Variants in OR5C1 observed in about 807,000 individuals in gnomAD.
OR5C1 encodes the protein olfactory receptor 5C1.
For synonymous variants in OR5C1, 184 were observed against 181.5 expected (o/e 1.01, Z -0.11); for missense variants, 433 against 426.5 (o/e 1.02, Z -0.13).
At position 122,789,181 on chromosome 9, in the gene OR5C1, C is replaced by T. The variant is rs769744644; in HGVS notation, c.249C>T (p.Pro83=). 46 of 1,614,060 alleles carry T rather than the reference C, an allele frequency of 2.8e-5. No homozygotes were observed. The highest frequency in any genetic ancestry group is 1.6e-4 in the Middle Eastern group (1 of 6,084). Residue 83 remains proline (P), a synonymous_variant, in exon 1 of 1, where the codon CCC becomes CCT. Coordinates refer to ENST00000373680, the MANE Select transcript of OR5C1 (RefSeq NM_001001923.1). ...LDACYSSAIG[P]KMLVDLLLPR... ...CCTGCTATTCCTCCGCCATCGGCCC[C>T]AAGATGCTAGTGGACCTGCTGCTGC...
In OR5C1 at chr9:122,789,080, G is replaced by A. The variant is rs1324800137; in HGVS notation, c.148G>A (p.Ala50Thr). 6.2e-7 allele frequency: 1 copy of A among 1,614,012 alleles called. No individual in the cohort carries two copies. Among genetic ancestry groups the A allele is most frequent in the East Asian group, 2.2e-5 (1 of 44,870 alleles). The change falls in exon 1 of 1, where the codon GCG becomes ACG. Residue 50 changes from alanine to threonine, a missense_variant. Ala to Thr is a moderately conservative substitution (Grantham distance 58). Coordinates refer to ENST00000373680, the MANE Select transcript of OR5C1 (RefSeq NM_001001923.1). ...LVSLLGNMGMALLIRMDARLH... is the reference protein window; with the variant it reads ...LVSLLGNMGMTLLIRMDARLH... ...GAGCCTGCTGGGAAACATGGGCATG[G>A]CGCTGCTGATCCGCATGGATGCCCG... is the stretch of plus-strand genomic sequence containing the variant.
In OR5C1 at chr9:122,789,546, C is replaced by A. The variant is rs373315936; in HGVS notation, c.614C>A (p.Ala205Asp). ...AGTCTCAATGAACTCCTTCTCTTCG[C>A]CATCTGTGGCTTCATCCAGACAGCC... ...DTSLNELLLF[A>D]ICGFIQTATV... Residue 205 changes from alanine to aspartate, a missense_variant, in exon 1 of 1, where the codon GCC becomes GAC. By Grantham distance (126) the Ala-to-Asp change is moderately radical. Coordinates refer to ENST00000373680, the MANE Select transcript of OR5C1 (RefSeq NM_001001923.1). The A allele has an allele frequency of 2.5e-6, 4 of 1,614,022 alleles. No homozygotes were observed. In the African/African-American group the frequency reaches 5.3e-5, roughly 22 times the overall value.
rs140264679 is a variant in OR5C1, at chr9:122,789,589, G to A, written c.657G>A (p.Thr219=). The A allele has an allele frequency of 6.7e-5, 108 of 1,613,870 alleles. 1 individual carries two copies. The Admixed American group carries it at 9.8e-4, about 15-fold the overall frequency. ...AGACAGCCACGGTGTTAGCTATCAC[G>A]GTGTCTTATGGCTTCATCGCTGGGG... The part of the protein sequence containing the change: ...FIQTATVLAI[T]VSYGFIAGAV... The change falls in exon 1 of 1, where the codon ACG becomes ACA. Residue 219 remains threonine (T), a synonymous_variant. Transcript: ENST00000373680.
Position 122,789,063 on chromosome 9 carries a change from T to C in OR5C1, c.131T>C (p.Leu44Pro). Residue 44 changes from leucine to proline, a missense_variant, in exon 1 of 1, where the codon CTG (leucine) becomes CCG (proline). Physicochemically the swap from Leu to Pro is moderately conservative, Grantham distance 98. Coordinates refer to ENST00000373680, the MANE Select transcript of OR5C1 (RefSeq NM_001001923.1). ...CTGCCTGTCTACCTGGTGAGCCTGC[T>C]GGGAAACATGGGCATGGCGCTGCTG... ...TCLPVYLVSL[L>P]GNMGMALLIR... 6.2e-7 allele frequency: 1 copy of C among 1,614,162 alleles called. No individual in the cohort carries two copies. Among genetic ancestry groups the C allele is most frequent in the Non-Finnish European group, 8.5e-7 (1 of 1,179,994 alleles).
Position 122,789,394 on chromosome 9 carries a change from G to T in OR5C1, c.462G>T (p.Leu154=). Residue 154 remains leucine, a synonymous_variant, in exon 1 of 1, where the codon CTG becomes CTT. Transcript: ENST00000373680. The part of the protein sequence containing the change: ...LCLALLGASG[L]GGAVSAFVHT... ...TGGCCTTGCTGGGAGCATCAGGCCT[G>T]GGTGGGGCAGTGAGTGCCTTTGTTC... 1 of 1,613,066 alleles carries T rather than the reference G, an allele frequency of 6.2e-7. No individual in the cohort carries two copies.
chr9:122,789,237 C>T lies in OR5C1; in HGVS notation c.305C>T (p.Ala102Val), dbSNP rs1241458327. 3.1e-6 allele frequency: 5 copies of T among 1,614,076 alleles called. No homozygotes were observed. The East Asian group carries it at 6.7e-5, about 22-fold the overall frequency. ...GCCACCATCCCTTACACAGCCTGTG[C>T]CCTCCAGATGTTTGTCTTTGCAGGT... ...PRATIPYTAC[A>V]LQMFVFAGLA... Residue 102 changes from alanine (A) to valine (V), a missense_variant, in exon 1 of 1, where the codon GCC (alanine) becomes GTC (valine). Ala to Val is a moderately conservative substitution (Grantham distance 64). Coordinates refer to ENST00000373680, the MANE Select transcript of OR5C1 (RefSeq NM_001001923.1).
Position 122,789,739 on chromosome 9 carries a change from C to G in OR5C1, c.807C>G (p.Ser269Arg). 1 of 1,610,258 alleles carries G rather than the reference C, an allele frequency of 6.2e-7. No homozygotes were observed. The highest frequency in any genetic ancestry group is 8.5e-7 in the Non-Finnish European group (1 of 1,177,966). The change falls in exon 1 of 1, where the codon AGC (serine) becomes AGG (arginine). Residue 269 changes from serine to arginine, a missense_variant. By Grantham distance (110) the Ser-to-Arg change is moderately radical. Coordinates refer to ENST00000373680, the MANE Select transcript of OR5C1 (RefSeq NM_001001923.1). ...TCATGTACCTGCGCCCCAGCTCCAG[C>G]TATGCCCTGGACACTGACAAGATGG... is the stretch of plus-strand genomic sequence containing the variant. ...LIFMYLRPSS[S>R]YALDTDKMAS...
rs1829231595 is a variant in OR5C1, at chr9:122,789,395, G to C, written c.463G>C (p.Gly155Arg). 1 of 1,613,066 alleles carries C rather than the reference G, an allele frequency of 6.2e-7. No homozygotes were observed. Among genetic ancestry groups the C allele is most frequent in the Middle Eastern group, 1.7e-4 (1 of 6,054 alleles). The change falls in exon 1 of 1, where the codon GGT becomes CGT. Residue 155 changes from glycine to arginine, a missense_variant. Physicochemically the swap from Gly to Arg is moderately radical, Grantham distance 125. Coordinates refer to ENST00000373680, the MANE Select transcript of OR5C1 (RefSeq NM_001001923.1). ...CLALLGASGLGGAVSAFVHTT... is the reference protein window; with the variant it reads ...CLALLGASGLRGAVSAFVHTT... ...GGCCTTGCTGGGAGCATCAGGCCTG[G>C]GTGGGGCAGTGAGTGCCTTTGTTCA...
Position 122,789,783 on chromosome 9 carries a change from T to C in OR5C1, c.851T>C (p.Leu284Pro). The C allele has an allele frequency of 6.2e-7, 1 of 1,612,324 alleles. No homozygotes were observed. Among genetic ancestry groups the C allele is most frequent in the Non-Finnish European group, 8.5e-7 (1 of 1,179,032 alleles). Residue 284 changes from leucine (L) to proline (P), a missense_variant, in exon 1 of 1, where the codon CTG becomes CCG. Coordinates refer to ENST00000373680, the MANE Select transcript of OR5C1 (RefSeq NM_001001923.1). ...TDKMASVFYT[L>P]VIPSLNPLIY... The stretch of plus-strand genomic sequence containing the variant: ...AAGATGGCCTCTGTGTTCTATACCC[T>C]GGTCATCCCGTCTCTCAACCCACTC...
In OR5C1 at chr9:122,789,488, C is replaced by G; in HGVS notation, c.556C>G (p.Pro186Ala). ...GATCAATAGCTTCTTCTGCGATATC[C>G]CTCCACTGCTGGCCATCTCGTGCAG... ...RKINSFFCDIPPLLAISCSDT... is the reference protein window; with the variant it reads ...RKINSFFCDIAPLLAISCSDT... Residue 186 changes from proline (P) to alanine (A), a missense_variant, in exon 1 of 1, where the codon CCT becomes GCT. Pro to Ala is a conservative substitution (Grantham distance 27). Coordinates refer to ENST00000373680, the MANE Select transcript of OR5C1 (RefSeq NM_001001923.1). 1 of 1,614,212 alleles carries G rather than the reference C, an allele frequency of 6.2e-7. No homozygotes were observed. The highest frequency in any genetic ancestry group is 8.5e-7 in the Non-Finnish European group (1 of 1,180,040).
rs1478236865 is a variant in OR5C1 at position 122,789,405 on chromosome 9, T to C, written c.473T>C (p.Val158Ala). The change falls in exon 1 of 1, where the codon GTG (valine) becomes GCG (alanine). Residue 158 changes from valine (V) to alanine (A), a missense_variant. By Grantham distance (64) the Val-to-Ala change is moderately conservative. Transcript: ENST00000373680. ...GGAGCATCAGGCCTGGGTGGGGCAG[T>C]GAGTGCCTTTGTTCACACAACCCTC... ...LLGASGLGGA[V>A]SAFVHTTLTF... 1 of 1,612,744 alleles carries C rather than the reference T, an allele frequency of 6.2e-7. No homozygotes were observed.
Position 122,789,723 on chromosome 9 carries a change from T to C in OR5C1, c.791T>C (p.Leu264Pro), listed in dbSNP as rs1489085118. 1.2e-6 allele frequency: 2 copies of C among 1,607,126 alleles called. No individual in the cohort carries two copies. Among genetic ancestry groups the C allele is most frequent in the Admixed American group, 1.7e-5 (1 of 59,424 alleles). ...TACGGGACACTCATTTTCATGTACC[T>C]GCGCCCCAGCTCCAGCTATGCCCTG... ...MMYGTLIFMY[L>P]RPSSSYALDT... Residue 264 changes from leucine (L) to proline (P), a missense_variant, in exon 1 of 1, where the codon CTG becomes CCG. Transcript: ENST00000373680.
chr9:122,789,348 C>G lies in OR5C1; in HGVS notation c.416C>G (p.Ala139Gly), dbSNP rs778530337. ...AIRNPLLYTT[A>G]MSQRLCLALL... is the part of the protein sequence containing the mutation. ...AGAAACCCACTTCTCTATACAACAGCTATGTCGCAGCGTCTATGCCTGGCC... is the reference window on the plus strand; with the variant it reads ...AGAAACCCACTTCTCTATACAACAGGTATGTCGCAGCGTCTATGCCTGGCC... Residue 139 changes from alanine to glycine, a missense_variant, in exon 1 of 1, where the codon GCT (alanine) becomes GGT (glycine). Physicochemically the swap from Ala to Gly is moderately conservative, Grantham distance 60 (BLOSUM62 0). Coordinates refer to ENST00000373680, the MANE Select transcript of OR5C1 (RefSeq NM_001001923.1). 2 of 1,614,062 alleles carry G rather than the reference C, an allele frequency of 1.2e-6. No individual in the cohort carries two copies. The highest frequency in any genetic ancestry group is 1.7e-6 in the Non-Finnish European group (2 of 1,179,916).
In OR5C1 at chr9:122,789,492, C is replaced by T. The variant is rs1464219870; in HGVS notation, c.560C>T (p.Pro187Leu). The T allele has an allele frequency of 3.1e-6, 5 of 1,614,132 alleles. No individual in the cohort carries two copies. Among genetic ancestry groups the T allele is most frequent in the Admixed American group, 1.7e-5 (1 of 60,014 alleles). The change falls in exon 1 of 1, where the codon CCA becomes CTA. Residue 187 changes from proline (P) to leucine (L), a missense_variant. Transcript: ENST00000373680. ...AATAGCTTCTTCTGCGATATCCCTC[C>T]ACTGCTGGCCATCTCGTGCAGTGAC... ...KINSFFCDIP[P>L]LLAISCSDTS...
chr9:122,789,792 C>T lies in OR5C1; in HGVS notation c.860C>T (p.Pro287Leu), dbSNP rs777809763. ...MASVFYTLVIPSLNPLIYSLR... is the reference protein window; with the variant it reads ...MASVFYTLVILSLNPLIYSLR... ...TCTGTGTTCTATACCCTGGTCATCC[C>T]GTCTCTCAACCCACTCATCTACAGC... Residue 287 changes from proline (P) to leucine (L), a missense_variant, in exon 1 of 1, where the codon CCG becomes CTG. Pro to Leu is a moderately conservative substitution (Grantham distance 98). Transcript: ENST00000373680. 6.8e-5 allele frequency: 110 copies of T among 1,611,578 alleles called. No homozygotes were observed. The highest frequency in any genetic ancestry group is 1.0e-4 in the Admixed American group (6 of 59,762).
In OR5C1 at chr9:122,789,580, A is replaced by G. The variant is rs1468368402; in HGVS notation, c.648A>G (p.Leu216=). 6 of 1,613,910 alleles carry G rather than the reference A, an allele frequency of 3.7e-6. No homozygotes were observed. Among genetic ancestry groups the G allele is most frequent in the Non-Finnish European group, 5.1e-6 (6 of 1,179,930 alleles). The change falls in exon 1 of 1, where the codon TTA becomes TTG. Residue 216 remains leucine, a synonymous_variant. Coordinates refer to ENST00000373680, the MANE Select transcript of OR5C1 (RefSeq NM_001001923.1). ...ICGFIQTATV[L]AITVSYGFIA... The stretch of plus-strand genomic sequence containing the variant: ...GCTTCATCCAGACAGCCACGGTGTT[A>G]GCTATCACGGTGTCTTATGGCTTCA...
rs1277877203 is a variant in OR5C1 at position 122,789,652 on chromosome 9, A to G, written c.720A>G (p.Arg240=). ...TGCGCTCGGTCGAGGGCAGTCGGCG[A>G]GCAGCCTCCACCGGTGGTTCCCACC... ...IHMRSVEGSR[R]AASTGGSHLT... is the part of the protein sequence containing the mutation. The change falls in exon 1 of 1, where the codon CGA becomes CGG. Residue 240 remains arginine (R), a synonymous_variant. Transcript: ENST00000373680. The G allele has an allele frequency of 6.2e-7, 1 of 1,610,778 alleles. No homozygotes were observed. The highest frequency in any genetic ancestry group is 8.5e-7 in the Non-Finnish European group (1 of 1,177,830).
chr9:122,789,762 T>C lies in OR5C1; in HGVS notation c.830T>C (p.Met277Thr). Residue 277 changes from methionine to threonine, a missense_variant, in exon 1 of 1, where the codon ATG becomes ACG. Coordinates refer to ENST00000373680, the MANE Select transcript of OR5C1 (RefSeq NM_001001923.1). ...AGCTATGCCCTGGACACTGACAAGATGGCCTCTGTGTTCTATACCCTGGTC... is the reference window on the plus strand; with the variant it reads ...AGCTATGCCCTGGACACTGACAAGACGGCCTCTGTGTTCTATACCCTGGTC... ...SSSYALDTDK[M>T]ASVFYTLVIP... The C allele has an allele frequency of 6.2e-7, 1 of 1,612,606 alleles. No individual in the cohort carries two copies. The highest frequency in any genetic ancestry group is 1.3e-5 in the African/African-American group (1 of 75,040).
rs1278044545 is a variant in OR5C1 at position 122,789,834 on chromosome 9, T to C, written c.902T>C (p.Val301Ala). 3.8e-6 allele frequency: 6 copies of C among 1,590,194 alleles called. No homozygotes were observed. The highest frequency in any genetic ancestry group is 3.4e-6 in the Non-Finnish European group (4 of 1,169,038). ...PLIYSLRNKE[V>A]KEALRQTWSR... is the part of the protein sequence containing the mutation. The stretch of plus-strand genomic sequence containing the variant: ...ATCTACAGCCTCCGCAATAAGGAGG[T>C]CAAGGAGGCCCTCAGGCAGACCTGG... The change falls in exon 1 of 1, where the codon GTC (valine) becomes GCC (alanine). Residue 301 changes from valine (V) to alanine (A), a missense_variant. Transcript: ENST00000373680.
Sources: allele counts gnomAD v4.1 joint callset, GRCh38; gene constraint gnomAD v4.1.1; transcripts MANE v1.5; gene names NCBI Gene and HGNC (gene_info 2026-07-23, HGNC 2026-07-21).